Variants in BACE2 observed in about 807,000 individuals in gnomAD.
BACE2 encodes beta-secretase 2.
A neutral mutation model predicts 46.2 loss-of-function variants in BACE2; 17 were observed. The ratio of observed to expected loss-of-function variants is 0.37; its 90% CI spans 0.25 to 0.55. The LOEUF (loss-of-function observed/expected upper bound fraction) is 0.55, where lower values mean the gene tolerates loss of function less well. BACE2 is among the 20% of genes least tolerant of loss of function. The pLI is 0.82. For synonymous variants in BACE2, 277 were observed against 295.9 expected, an observed-to-expected ratio of 0.94 and a Z score of 0.66; for missense variants, 595 against 698.1, an observed-to-expected ratio of 0.85 and a Z score of 1.66.
rs113918323 is a variant in BACE2, at chr21:41,210,769, C to T, written c.313-15497C>T. 5.3e-3 allele frequency among the ~76,000 whole-genome samples: 809 copies of T among 152,300 alleles called. 7 individuals carry two copies. The highest frequency in any genetic ancestry group is 0.019 in the African/African-American group (779 of 41,528). On this transcript the variant is annotated intron_variant, in intron 1 of 8. Coordinates refer to ENST00000330333, the MANE Select transcript of BACE2 (RefSeq NM_012105.5). ...GACCTTTTTGACATTTAGGGCCTAA[C>T]TGTGATACACTTAAATGTTAAGACT...
chr21:41,175,109 T>G (rs1984768489), intron 1 of BACE2: 1 of 152,194 alleles, frequency 6.6e-6, no homozygotes, highest in Non-Finnish European at 1.5e-5. Context: ...GTCACTTTTT[T>G]GCTCTTAGAA....
At chr21:41,255,173 G>A (rs1215460013) in intron 7 of BACE2, among the ~76,000 whole-genome samples, 1 of 152,244 alleles carries the variant, frequency 6.6e-6, no homozygotes, top group Non-Finnish European at 1.5e-5. Flanking sequence ...GGAACAGCCA[G>A]CATTCAGGTT....
At chr21:41,230,765 C>T (rs959200040) in intron 2 of BACE2, among the ~76,000 whole-genome samples, 7 of 151,918 alleles carry the variant, frequency 4.6e-5, no homozygotes, top group African/African-American at 1.5e-4. Context: ...TTTGTGAGCT[C>T]GTCTTTATCA....
intron 1 of BACE2, among the ~76,000 whole-genome samples, chr21:41,206,973 A>T (rs1053060448): frequency 2.0e-5 from 3 of 152,186 alleles, no homozygotes; most frequent in African/African-American, 7.2e-5. Context: ...AATGTTGGTA[A>T]CTAGGGTAAA....
At chr21:41,191,524 A>G (rs1288423855) in intron 1 of BACE2, among the ~76,000 whole-genome samples, 2 of 152,186 alleles carry the variant, frequency 1.3e-5, no homozygotes, top group Non-Finnish European at 2.9e-5. Context: ...CCTTTCCATG[A>G]TGGAAGAGTT....
intron 7 of BACE2, among the ~76,000 whole-genome samples, chr21:41,251,538 C>T (rs892936410): frequency 2.8e-4 from 43 of 152,324 alleles, no homozygotes; most frequent in African/African-American, 1.0e-3. Context: ...CGGTGGCTCA[C>T]GCCTGTAATC....
chr21:41,259,642 A>T (rs1488914065), intron 8 of BACE2, among the ~76,000 whole-genome samples: 1 of 140,896 alleles, frequency 7.1e-6, no homozygotes, highest in East Asian at 2.0e-4. Context: ...CCCCAGCACT[A>T]CTCATTATCC....
At chr21:41,255,625 T>A (rs573495393) in intron 7 of BACE2, among the ~76,000 whole-genome samples, 1 of 152,198 alleles carries the variant, frequency 6.6e-6, no homozygotes, top group South Asian at 2.1e-4. Flanking sequence ...AGGGACTGTG[T>A]GTCATTCACC....
rs1331929475 is a variant in BACE2 at position 41,179,806 on chromosome 21, T to C, written c.312+11231T>C. The C allele has an allele frequency of 1.0e-5, 5 of 488,530 alleles. No individual in the cohort carries two copies. In the East Asian group the frequency reaches 3.5e-4, roughly 34 times the overall value. 30.3% of individuals were successfully genotyped at this position (488,530 alleles called of 1,614,324 possible). On this transcript the variant is annotated intron_variant, in intron 1 of 8. Coordinates refer to ENST00000330333, the MANE Select transcript of BACE2 (RefSeq NM_012105.5). ...GACTATTGTGTGTTTTATTCAACAG[T>C]GTCCTGGGCTGCTTTCTCCAGAAAT...
At chr21:41,168,758 G>A (rs901918623) in intron 1 of BACE2, among the ~76,000 whole-genome samples, 183 bp downstream of exon 1, 2 of 152,064 alleles carry the variant, frequency 1.3e-5, no homozygotes, top group Non-Finnish European at 2.9e-5. Context: ...TTGAGTCGCG[G>A]AGGACGGCAG....
intron 1 of BACE2, among the ~76,000 whole-genome samples, chr21:41,196,827 T>TG (rs1985749821): frequency 6.6e-6 from 1 of 152,250 alleles, no homozygotes; most frequent in Non-Finnish European, 1.5e-5. Flanking sequence ...TGCAGAGGTC[T>TG]GGGGTCTAGG....
At chr21:41,178,181 G>A (rs1640621577) in intron 1 of BACE2, 1 of 152,218 alleles carries the variant, frequency 6.6e-6, no homozygotes, top group African/African-American at 2.4e-5. Flanking sequence ...CAGGTCGGCT[G>A]GCCTAGGAGT....
At chr21:41,189,346 T>C (rs1008597616) in intron 1 of BACE2, among the ~76,000 whole-genome samples, 6 of 152,224 alleles carry the variant, frequency 3.9e-5, no homozygotes, top group Admixed American at 3.3e-4. Flanking sequence ...GTCTCTCTGC[T>C]TCCCTTGTCT....
At chr21:41,182,725 A>C (rs1316092380) in intron 1 of BACE2, 4 of 167,082 alleles carry the variant, frequency 2.4e-5, no homozygotes, top group African/African-American at 9.6e-5. Context: ...TGACTTACAC[A>C]GACCATCTAC....
intron 8 of BACE2, among the ~76,000 whole-genome samples, chr21:41,268,318 C>T: frequency 6.6e-6 from 1 of 152,198 alleles, no homozygotes; most frequent in East Asian, 1.9e-4. Flanking sequence ...CAGGTTCATG[C>T]TCTCACCCAC....
At chr21:41,266,155 T>G (rs1330951568) in intron 8 of BACE2, among the ~76,000 whole-genome samples, 1 of 152,120 alleles carries the variant, frequency 6.6e-6, no homozygotes, top group Non-Finnish European at 1.5e-5. Context: ...TTCCAACTCT[T>G]CTTTCTTAAT....
intron 1 of BACE2, among the ~76,000 whole-genome samples, chr21:41,198,845 C>A (rs559124435): frequency 2.1e-5 from 3 of 141,510 alleles, no homozygotes; most frequent in Non-Finnish European, 4.6e-5. Context: ...GATCTCTGTA[C>A]GCTTTTTATT....
At chr21:41,250,936 C>T in intron 7 of BACE2, 35 bp downstream of exon 7, 1 of 1,604,182 alleles carries the variant, frequency 6.2e-7, no homozygotes, top group Non-Finnish European at 8.5e-7. Context: ...CTCTTTTTAT[C>T]ATGCAAAAGA....
At chr21:41,224,787 G>A (rs1458227698) in intron 1 of BACE2, among the ~76,000 whole-genome samples, 1 of 152,206 alleles carries the variant, frequency 6.6e-6, no homozygotes, top group Non-Finnish European at 1.5e-5. Flanking sequence ...ACACCCGTTA[G>A]CATGGTTCAC....
Sources: gnomAD v4.1 joint callset for allele counts (sites outside exome capture counted in the v4.1 genomes callset) on GRCh38, gnomAD v4.1.1 for gene constraint, MANE v1.5 for transcripts, NCBI Gene and HGNC (gene_info 2026-07-23, HGNC 2026-07-21) for gene names.